The following MCUB variants were observed in gnomAD, a reference collection of about 807,000 sequenced individuals.
The protein encoded by MCUB is calcium uniporter regulatory subunit MCUb, mitochondrial.
Under a neutral mutation model 41.4 loss-of-function variants are expected in MCUB, and 46 were observed. The observed-to-expected ratio is 1.11, with a 90% CI of 0.88 to 1.42. MCUB has a LOEUF of 1.42. Among genes scored for constraint, MCUB ranks in the 40% most tolerant of loss-of-function variants. The pLI, the probability that MCUB is intolerant of heterozygous loss-of-function variation, is 0.00. For missense variants in MCUB, 403 were observed against 404.9 expected, an observed-to-expected ratio of 1.00 and a Z score of 0.04; for synonymous variants, 148 against 148.2, an observed-to-expected ratio of 1.00 and a Z score of 0.01.
At chr4:109,597,662 C>A (rs929445650) in intron 1 of MCUB, among the ~76,000 whole-genome samples, 275 of 120,058 alleles carry the variant, frequency 2.3e-3, no homozygotes, top group Non-Finnish European at 3.7e-3. Flanking sequence ...CCTCCCAGAC[C>A]GGGCGGCTGG....
chr4:109,632,537 A>T (rs952575835), intron 1 of MCUB, among the ~76,000 whole-genome samples: 1 of 150,500 alleles, frequency 6.6e-6, no homozygotes, highest in Non-Finnish European at 1.5e-5. Context: ...GTCTCGAATG[A>T]GATTGTGGGT....
intron 1 of MCUB, among the ~76,000 whole-genome samples, chr4:109,653,161 G>C (rs1273922868): frequency 1.3e-5 from 2 of 152,118 alleles, no homozygotes; most frequent in Non-Finnish European, 2.9e-5. Flanking sequence ...CGGATCGCGA[G>C]GTTAGGAGTT....
At chr4:109,641,918 T>A (rs1006419097) in intron 1 of MCUB, among the ~76,000 whole-genome samples, 2 of 152,254 alleles carry the variant, frequency 1.3e-5, no homozygotes, top group African/African-American at 4.8e-5. Context: ...CACGAAAAGA[T>A]CTTCAAGTAC....
chr4:109,632,193 A>C (rs1221987741), intron 1 of MCUB, among the ~76,000 whole-genome samples: 1 of 152,166 alleles, frequency 6.6e-6, no homozygotes, highest in Non-Finnish European at 1.5e-5. Context: ...CCAGATAGTA[A>C]ATATTTTAGG....
chr4:109,680,804 T>C (rs542322930), intron 4 of MCUB, among the ~76,000 whole-genome samples: 1 of 152,336 alleles, frequency 6.6e-6, no homozygotes, highest in East Asian at 1.9e-4. Context: ...AGTTGTTTGC[T>C]GCTGCCTGGT....
chr4:109,616,624 G>A (rs1561228898), intron 1 of MCUB, among the ~76,000 whole-genome samples: 1 of 152,126 alleles, frequency 6.6e-6, no homozygotes, highest in African/African-American at 2.4e-5. Flanking sequence ...AGTTGCATAC[G>A]TAGGTCTTTC....
At chr4:109,593,357 C>T (rs1409401603) in intron 1 of MCUB, among the ~76,000 whole-genome samples, 2 of 152,220 alleles carry the variant, frequency 1.3e-5, no homozygotes, top group African/African-American at 4.8e-5. Flanking sequence ...TACCCAATGT[C>T]AGTTATTTCC....
At chr4:109,647,076 C>G (rs1312791479) in intron 1 of MCUB, among the ~76,000 whole-genome samples, 1 of 152,146 alleles carries the variant, frequency 6.6e-6, no homozygotes, top group Non-Finnish European at 1.5e-5. Context: ...GCAGAAAGCT[C>G]TAAGAGTTTC....
Position 109,684,508 on chromosome 4 carries a change from A to C in MCUB, c.678A>C (p.Ala226=). ...GTGGACTCCTGTGGGCTGGATTGGC[A>C]CTGCTGTCCATTCAGGGTGGGGCAC... ...KTSGLLWAGL[A]LLSIQGGALA... is the part of the protein sequence containing the mutation. The change falls in exon 6 of 8, where the codon GCA becomes GCC. Residue 226 remains alanine, a synonymous_variant. Transcript: ENST00000394650. 1.2e-6 allele frequency: 2 copies of C among 1,614,012 alleles called. No homozygotes were observed. Among genetic ancestry groups the C allele is most frequent in the Non-Finnish European group, 1.7e-6 (2 of 1,179,944 alleles).
Position 109,659,020 on chromosome 4 carries a change from G to A in MCUB, c.109G>A (p.Val37Met). ...PLPPPPQVLR[V>M]KLCGNVKYYQ... Reference sequence around the variant, plus strand: ...TTTTTCCTTCTTGTAGGTTTTGCGTGTGAAGCTGTGTGGAAATGTGAAATA... The same window carrying A: ...TTTTTCCTTCTTGTAGGTTTTGCGTATGAAGCTGTGTGGAAATGTGAAATA... Residue 37 changes from valine to methionine, a missense_variant, in exon 2 of 8, where the codon GTG becomes ATG. Physicochemically the swap from Val to Met is conservative, Grantham distance 21 (BLOSUM62 1). Transcript: ENST00000394650. 1 of 1,533,368 alleles carries A rather than the reference G, an allele frequency of 6.5e-7. No homozygotes were observed. Among genetic ancestry groups the A allele is most frequent in the South Asian group, 1.2e-5 (1 of 83,558 alleles). The allele number at this position is 1,533,368 out of a possible 1,614,324, so 95.0% of individuals were successfully genotyped here. A position where few individuals can be genotyped will look rare whatever the true frequency, so the allele number is the denominator to read the frequency against.
intron 1 of MCUB, among the ~76,000 whole-genome samples, chr4:109,611,742 A>G (rs1246512254): frequency 1.3e-5 from 2 of 152,192 alleles, no homozygotes; most frequent in Non-Finnish European, 2.9e-5. Context: ...TCTCTGTTAA[A>G]AAAAAGGCTG....
At chr4:109,674,088 C>A in intron 4 of MCUB, 1 of 1,458,028 alleles carries the variant, frequency 6.9e-7, no homozygotes, top group Non-Finnish European at 9.6e-7. Flanking sequence ...TGGGCTATTC[C>A]ATGTATCGGG....
intron 1 of MCUB, chr4:109,648,561 A>T (rs1248244448): frequency 7.1e-6 from 3 of 420,654 alleles, no homozygotes; most frequent in Non-Finnish European, 1.4e-5. Context: ...GTGATGATTC[A>T]TGTAGTACCT....
chr4:109,635,772 C>T (rs1037616472), intron 1 of MCUB, among the ~76,000 whole-genome samples: 1 of 152,118 alleles, frequency 6.6e-6, no homozygotes, highest in East Asian at 1.9e-4. Flanking sequence ...TCTGTGTCTT[C>T]TCATCTAATT....
At chr4:109,561,870 T>A (rs1726647953) in intron 1 of MCUB, among the ~76,000 whole-genome samples, 1 of 152,102 alleles carries the variant, frequency 6.6e-6, no homozygotes, top group Admixed American at 6.5e-5. Context: ...TACCTCAGCC[T>A]CCCCAGAAAA....
At chr4:109,642,224 G>C (rs368044179) in intron 1 of MCUB, among the ~76,000 whole-genome samples, 2 of 152,138 alleles carry the variant, frequency 1.3e-5, no homozygotes, top group Non-Finnish European at 2.9e-5. Flanking sequence ...TCTTACCCGG[G>C]TTTCAGCTTC....
intron 1 of MCUB, among the ~76,000 whole-genome samples, chr4:109,582,017 T>C (rs1344957875): frequency 6.6e-6 from 1 of 152,132 alleles, no homozygotes; most frequent in African/African-American, 2.4e-5. Context: ...GACCCAGCCA[T>C]CCCATTGCTG....
intron 1 of MCUB, among the ~76,000 whole-genome samples, chr4:109,641,080 G>T (rs752603307): frequency 6.6e-6 from 1 of 152,024 alleles, no homozygotes; most frequent in African/African-American, 2.4e-5. Context: ...GGAAGGGAAA[G>T]GTTGGCAGAG....
intron 1 of MCUB, among the ~76,000 whole-genome samples, chr4:109,606,048 CG>C (rs1437116862): frequency 6.6e-6 from 1 of 152,142 alleles, no homozygotes; most frequent in African/African-American, 2.4e-5. Context: ...GATCTCTGCT[CG>C]CTGCAAGCTC....
Sources: allele counts gnomAD v4.1 joint callset (sites outside exome capture counted in the v4.1 genomes callset), GRCh38; gene constraint gnomAD v4.1.1; transcripts MANE v1.5; gene names NCBI Gene and HGNC (gene_info 2026-07-23, HGNC 2026-07-21).